Variants in SMAGP observed in about 807,000 individuals in gnomAD.
The protein encoded by SMAGP is small cell adhesion glycoprotein, also known as small cell transmembrane and glycosylated protein.
In SMAGP, 7 loss-of-function variants were observed where a neutral mutation model predicts 10.1. That is an observed-to-expected ratio of 0.70 (90% CI 0.40 to 1.31). The LOEUF (loss-of-function observed/expected upper bound fraction) is 1.31. Ranked by LOEUF, SMAGP falls within the 50% of genes most tolerant of loss-of-function variation. SMAGP has a pLI of 0.01. For synonymous variants in SMAGP, 49 were observed against 47.2 expected (o/e 1.04, Z -0.16); for missense variants, 113 against 116.5 (o/e 0.97, Z 0.14).
rs1248888756 is a variant in SMAGP, at chr12:51,245,983, A to G, written c.252T>C (p.Ser84=). 16 of 1,613,476 alleles carry G rather than the reference A, an allele frequency of 9.9e-6. No individual in the cohort carries two copies. Among genetic ancestry groups the G allele is most frequent in the Non-Finnish European group, 1.3e-5 (15 of 1,179,754 alleles). The change falls in exon 4 of 4, where the codon AGT becomes AGC. Residue 84 remains serine (S), a synonymous_variant. Transcript: ENST00000603798. ...GEPSAIVQME[S]DLAKGSEKEE... ...CTTTCTCGCTGCCCTTGGCCAAGTCACTCTCCATCTGGACGATGGCACTGG... is the reference window on the plus strand; with the variant it reads ...CTTTCTCGCTGCCCTTGGCCAAGTCGCTCTCCATCTGGACGATGGCACTGG...
intron 2 of SMAGP, chr12:51,251,662 A>ACAAAGTG (rs937801371): frequency 1.3e-5 from 2 of 152,136 alleles, no homozygotes; most frequent in Non-Finnish European, 2.9e-5. Context: ...CAGTTGTGCT[A>ACAAAGTG]CAAAGTGCTT....
rs1944761192 is a variant in SMAGP at position 51,245,877 on chromosome 12, C to T, written c.*64G>A. 2.6e-6 allele frequency: 4 copies of T among 1,529,188 alleles called. No homozygotes were observed. Among genetic ancestry groups the T allele is most frequent in the Non-Finnish European group, 2.7e-6 (3 of 1,131,252 alleles). The allele number at this position is 1,529,188 out of a possible 1,614,324, so 94.7% of individuals were successfully genotyped here. A position where few individuals can be genotyped will look rare whatever the true frequency, so the allele number is the denominator to read the frequency against. On this transcript the variant is annotated 3_prime_UTR_variant, in exon 4 of 4. Coordinates refer to ENST00000603798, the MANE Select transcript of SMAGP (RefSeq NM_001031628.2). ...TCCCTGGCTTCAGAGAAAACTTTCC[C>T]ATAATAAGCAGTCAACGTGTTAGCG...
chr12:51,258,224 T>C (rs1269672013), intron 2 of SMAGP, among the ~76,000 whole-genome samples: 1 of 151,736 alleles, frequency 6.6e-6, no homozygotes, highest in Non-Finnish European at 1.5e-5. Context: ...AGAGTGAGGG[T>C]AGGAGGGGCT....
At chr12:51,258,323 T>G (rs1162423759) in intron 2 of SMAGP, among the ~76,000 whole-genome samples, 1 of 152,236 alleles carries the variant, frequency 6.6e-6, no homozygotes, top group African/African-American at 2.4e-5. Context: ...GGTGCATGCC[T>G]GTAATCCCAG....
intron 2 of SMAGP, among the ~76,000 whole-genome samples, chr12:51,260,886 C>T (rs1331973922): frequency 6.6e-6 from 1 of 150,884 alleles, no homozygotes; most frequent in Non-Finnish European, 1.5e-5. Context: ...CGGGGTTTCA[C>T]CATGTTAGCC....
chr12:51,248,430 ACACACTCTCTCTCTCTCTCTCTCTCTCT>A (rs1944803063), intron 2 of SMAGP, among the ~76,000 whole-genome samples: 2 of 91,526 alleles, frequency 2.2e-5, no homozygotes, highest in Non-Finnish European at 3.9e-5. Context: ...ACACACACAC[ACACACTCTCTCTCTCTCTCTCTCTCTCT>A]CTCTCTCTCT....
intron 2 of SMAGP, among the ~76,000 whole-genome samples, chr12:51,247,334 T>A (rs1944786954): frequency 6.6e-6 from 1 of 152,226 alleles, no homozygotes; most frequent in African/African-American, 2.4e-5. Flanking sequence ...GCATTCTTAC[T>A]AATTCTTTGT....
At chr12:51,246,218 C>T (rs1039229984) in intron 3 of SMAGP, 99 bp from the exon 4 acceptor site, 5 of 1,509,848 alleles carry the variant, frequency 3.3e-6, no homozygotes, top group African/African-American at 2.8e-5. Context: ...CGTAAAGATC[C>T]TCTTGTTTTC....
intron 2 of SMAGP, among the ~76,000 whole-genome samples, chr12:51,255,677 T>C (rs1305607545): frequency 6.6e-6 from 1 of 152,240 alleles, no homozygotes; most frequent in African/African-American, 2.4e-5. Flanking sequence ...GACTACAGTG[T>C]GGACAATAGG....
chr12:51,246,139 A>G lies in SMAGP; in HGVS notation c.116-20T>C. 3.1e-6 allele frequency: 5 copies of G among 1,612,578 alleles called. No homozygotes were observed. Among genetic ancestry groups the G allele is most frequent in the Non-Finnish European group, 4.2e-6 (5 of 1,179,016 alleles). ...TAACAACTTGGAAAGGAGAGGGAAA[A>G]TGTAGAGATGTTTCAGGATTGAGGA... On this transcript the variant is annotated intron_variant, in intron 3 of 3. Transcript: ENST00000603798.
chr12:51,260,667 C>T (rs968026794), intron 2 of SMAGP, among the ~76,000 whole-genome samples: 5 of 147,204 alleles, frequency 3.4e-5, no homozygotes, highest in African/African-American at 5.1e-5. Flanking sequence ...CGTGAGCCAC[C>T]GCGCCCGGCC....
In SMAGP at chr12:51,245,854, C is replaced by T; in HGVS notation, c.*87G>A. The T allele has an allele frequency of 6.9e-7, 1 of 1,457,968 alleles. No homozygotes were observed. The highest frequency in any genetic ancestry group is 1.4e-5 in the African/African-American group (1 of 71,160). The allele number at this position is 1,457,968 out of a possible 1,614,324, so 90.3% of individuals were successfully genotyped here. On this transcript the variant is annotated 3_prime_UTR_variant, in exon 4 of 4. Coordinates refer to ENST00000603798, the MANE Select transcript of SMAGP (RefSeq NM_001031628.2). Reference sequence around the variant, plus strand: ...TTGCCCACATCAATCAATGCTTCTCCCTGGCTTCAGAGAAAACTTTCCCAT... The same window carrying T: ...TTGCCCACATCAATCAATGCTTCTCTCTGGCTTCAGAGAAAACTTTCCCAT...
intron 2 of SMAGP, among the ~76,000 whole-genome samples, chr12:51,252,688 C>T (rs1944850277): frequency 6.6e-6 from 1 of 151,702 alleles, no homozygotes; most frequent in African/African-American, 2.4e-5. Context: ...ACATCGCCCC[C>T]CGAAGGACAA....
chr12:51,246,940 T>G, intron 2 of SMAGP, 109 bp from the exon 3 acceptor site: 1 of 702,800 alleles, frequency 1.4e-6, no homozygotes, highest in Non-Finnish European at 2.3e-6. Context: ...ATTCAAAAGT[T>G]TATCATTTAA....
At chr12:51,257,627 C>T (rs1944897752) in intron 2 of SMAGP, among the ~76,000 whole-genome samples, 1 of 152,056 alleles carries the variant, frequency 6.6e-6, no homozygotes, top group Non-Finnish European at 1.5e-5. Flanking sequence ...TCACTGTAAC[C>T]TCCTCCTCCC....
At chr12:51,253,707 TC>T (rs1367604950) in intron 2 of SMAGP, 2 of 151,954 alleles carry the variant, frequency 1.3e-5, no homozygotes, top group Non-Finnish European at 2.9e-5. Flanking sequence ...GGACAAACAT[TC>T]CAGCCTGGCC....
chr12:51,256,957 A>T (rs2137303166), intron 2 of SMAGP, among the ~76,000 whole-genome samples: 1 of 152,256 alleles, frequency 6.6e-6, no homozygotes, highest in Admixed American at 6.5e-5. Flanking sequence ...TGCAGAGATC[A>T]TAAACGACCT....
At chr12:51,246,502 C>A in intron 3 of SMAGP, 1 of 446,584 alleles carries the variant, frequency 2.2e-6, no homozygotes, top group Non-Finnish European at 4.0e-6. Flanking sequence ...TCCCTACCCA[C>A]GTACTCAAGT....
rs200895814 is a variant in SMAGP at position 51,260,361 on chromosome 12, G to GTTT, written c.34+8881_34+8883dup. On this transcript the variant is annotated intron_variant, in intron 2 of 3. Coordinates refer to ENST00000603798, the MANE Select transcript of SMAGP (RefSeq NM_001031628.2). ...TGTGCACCAGCACAGCCGGCTGATT[G>GTTT]TTTTTTTTGTTGTTGTTGTTGTTGT... Among the ~76,000 whole-genome samples the GTTT allele has an allele frequency of 1.9e-3, 287 of 151,676 alleles. 1 individual carries two copies. Among genetic ancestry groups the GTTT allele is most frequent in the African/African-American group, 6.4e-3 (265 of 41,314 alleles).
Sources: allele counts gnomAD v4.1 joint callset (sites outside exome capture counted in the v4.1 genomes callset), GRCh38; gene constraint gnomAD v4.1.1; transcripts MANE v1.5; gene names NCBI Gene and HGNC (gene_info 2026-07-23, HGNC 2026-07-21).